Variants in TAF8 observed in about 807,000 individuals in gnomAD.
TAF8 encodes the protein TATA-box binding protein associated factor 8.
TAF8 carries 47 observed loss-of-function variants against 36.5 expected under a neutral mutation model. The observed-to-expected ratio is 1.29, with a 90% CI of 1.02 to 1.64. TAF8 has a LOEUF of 1.64. Among genes scored for constraint, TAF8 ranks in the 40% most tolerant of loss-of-function variants. TAF8 has a pLI of 0.00. For missense variants in TAF8, 420 were observed against 407.6 expected (o/e 1.03, Z -0.26); for synonymous variants, 175 against 159.5 (o/e 1.10, Z -0.73).
At chr6:42,060,712 T>TA (rs962692821) in intron 5 of TAF8, among the ~76,000 whole-genome samples, 14 of 151,904 alleles carry the variant, frequency 9.2e-5, no homozygotes, top group African/African-American at 3.4e-4. Flanking sequence ...TTTGATTCTT[T>TA]AAAAAAAAGC....
chr6:42,055,872 A>G (rs1418933115), intron 3 of TAF8, 80 bp from the exon 4 acceptor site: 3 of 1,007,080 alleles, frequency 3.0e-6, no homozygotes, highest in Non-Finnish European at 4.7e-6. Flanking sequence ...AGTTTAAGCC[A>G]TTTGTCCATA....
At chr6:42,076,938 C>G (rs1765767507) in intron 7 of TAF8, among the ~76,000 whole-genome samples, 162 bp from the exon 8 acceptor site, 1 of 152,226 alleles carries the variant, frequency 6.6e-6, no homozygotes, top group Non-Finnish European at 1.5e-5. Context: ...CAGCCCCTGC[C>G]TGGTCCTCGC....
At chr6:42,085,380 A>T (rs1471773300), downstream of TAF8, among the ~76,000 whole-genome samples, 1 of 152,240 alleles carries the variant, frequency 6.6e-6, no homozygotes, top group Non-Finnish European at 1.5e-5. Context: ...TCCTAGAAGC[A>T]GAATTCCCAG....
chr6:42,072,783 C>T (rs138210093), intron 7 of TAF8, among the ~76,000 whole-genome samples: 1,554 of 151,806 alleles, frequency 0.01, 25 homozygotes, highest in African/African-American at 0.035. Flanking sequence ...AGTGCAGTGG[C>T]GTGATCTCGG....
At chr6:42,053,383 C>G (rs2127448416) in intron 2 of TAF8, among the ~76,000 whole-genome samples, 1 of 152,094 alleles carries the variant, frequency 6.6e-6, no homozygotes, top group East Asian at 1.9e-4. Context: ...TGCCAACATA[C>G]TGAAACCCTG....
At chr6:42,061,579 A>T (rs1324708404) in intron 5 of TAF8, among the ~76,000 whole-genome samples, 1 of 152,262 alleles carries the variant, frequency 6.6e-6, no homozygotes, top group Non-Finnish European at 1.5e-5. Context: ...CCTCTGTGGC[A>T]CACAATCTGT....
At chr6:42,069,933 T>G (rs761687287) in intron 7 of TAF8, among the ~76,000 whole-genome samples, 1 of 152,200 alleles carries the variant, frequency 6.6e-6, no homozygotes, top group East Asian at 1.9e-4. Context: ...AGTAAGTGTT[T>G]CAGGGAGAAA....
rs193190738 is a variant in TAF8, at chr6:42,064,566, T to C, written c.490-1746T>C. Among the ~76,000 whole-genome samples, 317 of 152,170 alleles carry C rather than the reference T, an allele frequency of 2.1e-3. 1 individual carries two copies. Among genetic ancestry groups the C allele is most frequent in the African/African-American group, 7.0e-3 (292 of 41,508 alleles). ...CACCACACCCAGCCTTTTGGGAAGA[T>C]TTTTAACACGTCAGAAAATTCTGTT... On this transcript the variant is annotated intron_variant, in intron 5 of 8. Transcript: ENST00000372977.
At position 42,077,137 on chromosome 6, in the gene TAF8, T is replaced by A; in HGVS notation, c.818T>A (p.Leu273Gln). The change falls in exon 8 of 9, where the codon CTG (leucine) becomes CAG (glutamine). Residue 273 changes from leucine (L) to glutamine (Q), a missense_variant. Physicochemically the swap from Leu to Gln is moderately radical, Grantham distance 113 (BLOSUM62 -2). Coordinates refer to ENST00000372977, the MANE Select transcript of TAF8 (RefSeq NM_138572.3). ...GCCGAGAAGGAGAACACCTCTGTCC[T>A]GCAGCAGAACCCCTCCTTGTCGGGT... The part of the protein sequence containing the change: ...SGAEKENTSV[L>Q]QQNPSLSGSR... The A allele has an allele frequency of 6.2e-7, 1 of 1,614,186 alleles. No homozygotes were observed. Among genetic ancestry groups the A allele is most frequent in the Non-Finnish European group, 8.5e-7 (1 of 1,180,004 alleles).
rs1025826987 is a variant in TAF8, at chr6:42,080,313, G to A, written c.*2768G>A. On this transcript the variant is annotated 3_prime_UTR_variant, in exon 9 of 9. Transcript: ENST00000372977. ...TGTGCTGAGTTAGAGGTGGGATTTG[G>A]AAAAGGGCTGCTATTTCTGCTGTTG... is the stretch of plus-strand genomic sequence containing the variant. The A allele has an allele frequency of 3.0e-6, 3 of 987,648 alleles. No individual in the cohort carries two copies. The highest frequency in any genetic ancestry group is 1.7e-5 in the African/African-American group (1 of 57,168). 61.2% of individuals were successfully genotyped at this position (987,648 alleles called of 1,614,324 possible).
chr6:42,057,854 A>G, intron 5 of TAF8: 2 of 322,890 alleles, frequency 6.2e-6, no homozygotes, highest in East Asian at 1.1e-4. Flanking sequence ...CAAGTTTGCC[A>G]GCTAAAGTAT....
At chr6:42,069,797 G>A (rs562972419) in intron 7 of TAF8, among the ~76,000 whole-genome samples, 1 of 152,302 alleles carries the variant, frequency 6.6e-6, no homozygotes, top group South Asian at 2.1e-4. Context: ...AGGGATGAGT[G>A]AGGATAAGAA....
downstream of TAF8, among the ~76,000 whole-genome samples, chr6:42,083,539 G>A (rs544450074): frequency 5.3e-4 from 80 of 152,288 alleles, no homozygotes; most frequent in Middle Eastern, 3.4e-3. Context: ...CTGATAGATA[G>A]AACACTGTGT....
At position 42,080,377 on chromosome 6, in the gene TAF8, T is replaced by TCA. The variant is rs5875787; in HGVS notation, c.*2832_*2833insCA. ...TATACTCTTTTTTTTTCTTTTCTTTTTTTTTTTTTTTTGAGACGGCATCTC... is the reference window on the plus strand; with the variant it reads ...TATACTCTTTTTTTTTCTTTTCTTTTCATTTTTTTTTTTTGAGACGGCATCTC... On this transcript the variant is annotated 3_prime_UTR_variant, in exon 9 of 9. Transcript: ENST00000372977. 2 of 895,708 alleles carry TCA rather than the reference T, an allele frequency of 2.2e-6. No individual in the cohort carries two copies. The highest frequency in any genetic ancestry group is 2.7e-6 in the Non-Finnish European group (2 of 751,554). 55.5% of individuals were successfully genotyped at this position (895,708 alleles called of 1,614,324 possible).
intron 6 of TAF8, 140 bp downstream of exon 6, chr6:42,066,599 C>G (rs1765372529): frequency 1.0e-6 from 1 of 979,718 alleles, no homozygotes; most frequent in Non-Finnish European, 1.5e-6. Flanking sequence ...TTTCTGGCTC[C>G]CTTCCCCAGG....
At chr6:42,057,312 A>T in intron 4 of TAF8, 77 bp from the exon 5 acceptor site, 2 of 1,579,544 alleles carry the variant, frequency 1.3e-6, no homozygotes, top group East Asian at 4.5e-5. Context: ...TGAGAAAAGG[A>T]GGCTTTGGGG....
At chr6:42,064,956 CAAAA>C (rs59214523) in intron 5 of TAF8, among the ~76,000 whole-genome samples, 2 of 73,716 alleles carry the variant, frequency 2.7e-5, no homozygotes, top group African/African-American at 5.8e-5. Flanking sequence ...GACTCTGTCT[CAAAA>C]AAAAAAAAAA....
At chr6:42,058,949 G>C (rs575878099) in intron 5 of TAF8, among the ~76,000 whole-genome samples, 5 of 152,214 alleles carry the variant, frequency 3.3e-5, no homozygotes, top group Non-Finnish European at 5.9e-5. Context: ...TGTGTGGTTG[G>C]GGGGCAGAGG....
downstream of TAF8, chr6:42,086,590 A>G (rs1766031520): frequency 5.4e-6 from 5 of 924,610 alleles, no homozygotes; most frequent in African/African-American, 4.9e-5. Flanking sequence ...CTTTTAAATC[A>G]TCACAAGCAG....
Sources: allele counts gnomAD v4.1 joint callset (sites outside exome capture counted in the v4.1 genomes callset), GRCh38; gene constraint gnomAD v4.1.1; transcripts MANE v1.5; gene names NCBI Gene and HGNC (gene_info 2026-07-23, HGNC 2026-07-21).